GNA14: variants seen among roughly 807,000 people sequenced by gnomAD.
GNA14 encodes the protein guanine nucleotide-binding protein subunit alpha-14.
Under a neutral mutation model 42.0 loss-of-function variants are expected in GNA14, and 50 were observed. The observed-to-expected ratio is 1.19, with a 90% CI of 0.95 to 1.51. GNA14 has a LOEUF of 1.51. Among genes scored for constraint, GNA14 ranks in the 40% most tolerant of loss-of-function variants. The pLI is 0.00. For missense variants in GNA14, 473 were observed against 446.2 expected, an observed-to-expected ratio of 1.06 and a Z score of -0.54; for synonymous variants, 173 against 163.1, an observed-to-expected ratio of 1.06 and a Z score of -0.46.
intron 1 of GNA14, among the ~76,000 whole-genome samples, chr9:77,560,592 AG>A (rs1461319595): frequency 6.6e-6 from 1 of 152,166 alleles, no homozygotes; most frequent in African/African-American, 2.4e-5. Context: ...CTGGGATTAC[AG>A]GTGTGAGACA....
chr9:77,628,984 A>C (rs181065605), intron 1 of GNA14, among the ~76,000 whole-genome samples: 1 of 152,286 alleles, frequency 6.6e-6, no homozygotes, highest in African/African-American at 2.4e-5. Context: ...TTTGCAATCT[A>C]TCCATCTGAC....
chr9:77,523,729 G>A (rs979514865), intron 2 of GNA14, among the ~76,000 whole-genome samples: 2 of 152,206 alleles, frequency 1.3e-5, no homozygotes, highest in African/African-American at 4.8e-5. Context: ...CAGCGAAGGA[G>A]CTAGGGTCAG....
intron 2 of GNA14, among the ~76,000 whole-genome samples, chr9:77,498,541 C>A (rs1187893075): frequency 2.6e-5 from 4 of 152,188 alleles, no homozygotes; most frequent in African/African-American, 7.2e-5. Flanking sequence ...TAAGAGCCAT[C>A]TCCTAGGGTT....
chr9:77,519,355 G>A (rs1837312963), intron 2 of GNA14, among the ~76,000 whole-genome samples: 1 of 151,836 alleles, frequency 6.6e-6, no homozygotes, highest in Admixed American at 6.6e-5. Flanking sequence ...AGGTTGCAGT[G>A]AGCCGAGATT....
chr9:77,598,863 C>G (rs1373665250), intron 1 of GNA14, among the ~76,000 whole-genome samples: 1 of 152,188 alleles, frequency 6.6e-6, no homozygotes, highest in Non-Finnish European at 1.5e-5. Flanking sequence ...ATGGTAAGTA[C>G]TAAGTTTGAT....
At chr9:77,452,114 T>A (rs1030686061) in intron 2 of GNA14, among the ~76,000 whole-genome samples, 2 of 152,168 alleles carry the variant, frequency 1.3e-5, no homozygotes, top group Non-Finnish European at 2.9e-5. Context: ...CTGGACTGCT[T>A]GATCCAGAAC....
intron 2 of GNA14, among the ~76,000 whole-genome samples, chr9:77,489,231 G>A (rs895598777): frequency 1.2e-4 from 18 of 151,044 alleles, no homozygotes; most frequent in Non-Finnish European, 3.0e-5. Flanking sequence ...CAGTTAGAGG[G>A]AAAAAAAAGA....
At chr9:77,548,148 C>T (rs956773111) in intron 1 of GNA14, among the ~76,000 whole-genome samples, 28 of 152,352 alleles carry the variant, frequency 1.8e-4, no homozygotes, top group East Asian at 5.8e-4. Context: ...AACACATCCT[C>T]TCACGGAGCT....
intron 1 of GNA14, among the ~76,000 whole-genome samples, chr9:77,602,124 C>T (rs1324084437): frequency 6.6e-6 from 1 of 152,148 alleles, no homozygotes; most frequent in Non-Finnish European, 1.5e-5. Context: ...TGAAACTGGC[C>T]TTTTGCACCA....
intron 3 of GNA14, 36 bp downstream of exon 3, chr9:77,434,332 A>G (rs1315334658): frequency 6.3e-7 from 1 of 1,582,654 alleles, no homozygotes; most frequent in Admixed American, 1.8e-5. Flanking sequence ...CTTGCCTGAA[A>G]GCACCGCGGG....
rs951493495 is a variant in GNA14 at position 77,648,061 on chromosome 9, G to T, written c.-268C>A. 1 of 497,182 alleles carries T rather than the reference G, an allele frequency of 2.0e-6. No individual in the cohort carries two copies. Among genetic ancestry groups the T allele is most frequent in the African/African-American group, 2.0e-5 (1 of 49,026 alleles). The allele number at this position is 497,182 out of a possible 1,614,324, so 30.8% of individuals were successfully genotyped here. On this transcript the variant is annotated 5_prime_UTR_variant, in exon 1 of 7. Transcript: ENST00000341700. ...CAGCCCGCCCCACTCTCGCTCTGGG[G>T]AGGAGGAGGGCGAGTCGAGAAGTTG... is the stretch of plus-strand genomic sequence containing the variant.
At position 77,485,600 on chromosome 9, in the gene GNA14, A is replaced by G. The variant is rs368046034; in HGVS notation, c.309+43469T>C. 9.2e-5 allele frequency among the ~76,000 whole-genome samples: 14 copies of G among 152,220 alleles called. No individual in the cohort carries two copies. In the East Asian group the frequency reaches 1.7e-3, roughly 19 times the overall value. Reference sequence around the variant, plus strand: ...AATCAGAGAAGTCACTATCTATGACAGCTATAGCCTTAAAAAATGCATTTT... The same window carrying G: ...AATCAGAGAAGTCACTATCTATGACGGCTATAGCCTTAAAAAATGCATTTT... On this transcript the variant is annotated intron_variant, in intron 2 of 6. Transcript: ENST00000341700.
chr9:77,568,316 G>A (rs1823003819), intron 1 of GNA14, among the ~76,000 whole-genome samples: 1 of 151,742 alleles, frequency 6.6e-6, no homozygotes, highest in Non-Finnish European at 1.5e-5. Context: ...TGGGAATGTA[G>A]AATCTCCCTC....
chr9:77,638,872 G>A (rs1213185562), intron 1 of GNA14, among the ~76,000 whole-genome samples: 1 of 152,102 alleles, frequency 6.6e-6, no homozygotes, highest in African/African-American at 2.4e-5. Flanking sequence ...GCTGGCAGAT[G>A]GGCTGTGGCA....
At chr9:77,436,372 C>T (rs910197151) in intron 2 of GNA14, among the ~76,000 whole-genome samples, 1 of 152,132 alleles carries the variant, frequency 6.6e-6, no homozygotes, top group Non-Finnish European at 1.5e-5. Context: ...TCCAGGGGTA[C>T]CTGAATTATA....
chr9:77,622,479 T>C (rs1564068858), intron 1 of GNA14, among the ~76,000 whole-genome samples: 1 of 151,948 alleles, frequency 6.6e-6, no homozygotes, highest in African/African-American at 2.4e-5. Context: ...ATTAAAGAAA[T>C]TTTTTTCGGC....
chr9:77,551,513 A>AC (rs11436227), intron 1 of GNA14, among the ~76,000 whole-genome samples: 64,763 of 144,614 alleles, frequency 0.45, 16,351 homozygotes, highest in East Asian at 0.61. Flanking sequence ...ACACTCACCC[A>AC]CCCCCCCTTC....
At chr9:77,433,207 G>A (rs1029461544) in intron 3 of GNA14, among the ~76,000 whole-genome samples, 38 of 152,158 alleles carry the variant, frequency 2.5e-4, no homozygotes, top group African/African-American at 7.7e-4. Context: ...AAGGAGGTAC[G>A]TCTGGGGAAG....
chr9:77,511,495 G>A (rs1389867814), intron 2 of GNA14, among the ~76,000 whole-genome samples: 1 of 152,194 alleles, frequency 6.6e-6, no homozygotes, highest in Non-Finnish European at 1.5e-5. Flanking sequence ...GCAAAGATAG[G>A]AGAGACAATG....
Sources: gnomAD v4.1 joint callset for allele counts (sites outside exome capture counted in the v4.1 genomes callset) on GRCh38, gnomAD v4.1.1 for gene constraint, MANE v1.5 for transcripts, NCBI Gene and HGNC (gene_info 2026-07-23, HGNC 2026-07-21) for gene names.